Variants in EML6 observed in about 807,000 individuals in gnomAD.
EML6 encodes the protein EMAP like 6.
Under a neutral mutation model 240.1 loss-of-function variants are expected in EML6, and 154 were observed. The ratio of observed to expected loss-of-function variants is 0.64; its 90% confidence interval spans 0.56 to 0.73. The LOEUF is 0.73. EML6 is among the 30% of genes least tolerant of loss of function. EML6 has a pLI of 0.00. For missense variants in EML6, 2,964 were observed against 2,474.6 expected (o/e 1.20, Z -4.20); for synonymous variants, 1,148 against 899.0 (o/e 1.28, Z -4.95).
intron 17 of EML6, among the ~76,000 whole-genome samples, chr2:54,886,124 T>C (rs1672119707): frequency 6.6e-6 from 1 of 151,312 alleles, no homozygotes; most frequent in Non-Finnish European, 1.5e-5. Flanking sequence ...ATACTACACA[T>C]TGCACAAATG....
At chr2:54,765,780 A>T (rs1056958932) in intron 2 of EML6, among the ~76,000 whole-genome samples, 1 of 152,186 alleles carries the variant, frequency 6.6e-6, no homozygotes. Context: ...GGTACCATCT[A>T]TACCATTATA....
chr2:54,908,890 G>A (rs1290097270), intron 24 of EML6, among the ~76,000 whole-genome samples: 4 of 152,114 alleles, frequency 2.6e-5, no homozygotes, highest in African/African-American at 7.2e-5. Context: ...ACATGACCGC[G>A]GGGGCAGTTC....
chr2:54,786,479 C>A (rs573438168), intron 2 of EML6, among the ~76,000 whole-genome samples: 1 of 152,282 alleles, frequency 6.6e-6, no homozygotes, highest in African/African-American at 2.4e-5. Flanking sequence ...GTGGGGTCCC[C>A]TCCCCTGCTC....
intron 17 of EML6, among the ~76,000 whole-genome samples, chr2:54,887,024 C>T (rs1672184663): frequency 6.6e-6 from 1 of 152,148 alleles, no homozygotes; most frequent in African/African-American, 2.4e-5. Flanking sequence ...TTATTATTCC[C>T]ATTATCTGGC....
At chr2:54,726,111 C>G (rs1682896762) in intron 2 of EML6, among the ~76,000 whole-genome samples, 1 of 152,212 alleles carries the variant, frequency 6.6e-6, no homozygotes, top group Non-Finnish European at 1.5e-5. Flanking sequence ...AAGGTATGGG[C>G]CAGATGCTGT....
intron 7 of EML6, among the ~76,000 whole-genome samples, chr2:54,840,513 G>T (rs367616973): frequency 6.6e-6 from 1 of 152,098 alleles, no homozygotes; most frequent in African/African-American, 2.4e-5. Flanking sequence ...ATTACGGTAG[G>T]GGCCTATCTT....
chr2:54,935,030 A>G (rs577477633), intron 28 of EML6, among the ~76,000 whole-genome samples: 2 of 152,312 alleles, frequency 1.3e-5, no homozygotes, highest in Admixed American at 1.3e-4. Context: ...TTTTTAAAGT[A>G]TAGTTTATAT....
chr2:54,780,198 T>C (rs1398688860), intron 2 of EML6, among the ~76,000 whole-genome samples: 1 of 152,184 alleles, frequency 6.6e-6, no homozygotes, highest in African/African-American at 2.4e-5. Flanking sequence ...CACAATGAAA[T>C]GCCTTTTTAC....
At chr2:54,877,284 A>G (rs1443587101) in intron 16 of EML6, among the ~76,000 whole-genome samples, 3 of 152,148 alleles carry the variant, frequency 2.0e-5, no homozygotes, top group Non-Finnish European at 4.4e-5. Context: ...GCACCTGGCC[A>G]AAATCTTTAT....
intron 12 of EML6, among the ~76,000 whole-genome samples, chr2:54,862,991 T>G (rs561289368): frequency 1.3e-5 from 2 of 152,298 alleles, no homozygotes; most frequent in East Asian, 3.9e-4. Flanking sequence ...AGAATGGGGC[T>G]CAAGCAGTGG....
intron 28 of EML6, among the ~76,000 whole-genome samples, chr2:54,930,046 C>G (rs1317031927): frequency 1.3e-5 from 2 of 151,984 alleles, no homozygotes; most frequent in African/African-American, 4.8e-5. Flanking sequence ...CTTAAATAAT[C>G]CAATCTAAAA....
intron 2 of EML6, among the ~76,000 whole-genome samples, chr2:54,760,499 TG>T (rs940695528): frequency 6.6e-5 from 10 of 152,084 alleles, no homozygotes; most frequent in African/African-American, 2.4e-4. Context: ...TATCTAGAGG[TG>T]GACTTGGTTA....
At chr2:54,788,399 G>A (rs1159326757) in intron 2 of EML6, among the ~76,000 whole-genome samples, 1 of 152,192 alleles carries the variant, frequency 6.6e-6, no homozygotes, top group Non-Finnish European at 1.5e-5. Flanking sequence ...CTACAAGGGT[G>A]GCTGCCACTA....
intron 5 of EML6, among the ~76,000 whole-genome samples, chr2:54,823,849 A>AC (rs1558580294): frequency 1.1e-4 from 7 of 62,642 alleles, no homozygotes; most frequent in Admixed American, 3.9e-4. Flanking sequence ...TCATTCATTC[A>AC]TTCTCTCTCT....
intron 17 of EML6, among the ~76,000 whole-genome samples, chr2:54,889,609 G>C (rs1044099115): frequency 6.6e-6 from 1 of 151,592 alleles, no homozygotes; most frequent in Non-Finnish European, 1.5e-5. Context: ...ATATACAAAG[G>C]TTATTGATTT....
At chr2:54,886,917 G>C (rs956449725) in intron 17 of EML6, among the ~76,000 whole-genome samples, 1 of 152,192 alleles carries the variant, frequency 6.6e-6, no homozygotes, top group Non-Finnish European at 1.5e-5. Flanking sequence ...GTATACCAGA[G>C]AGTAGGGAGG....
chr2:54,802,988 A>G (rs1031606740), intron 2 of EML6, among the ~76,000 whole-genome samples: 21 of 152,116 alleles, frequency 1.4e-4, no homozygotes, highest in African/African-American at 5.1e-4. Flanking sequence ...AGTTCTGGGA[A>G]CTTGGGAGAC....
intron 24 of EML6, among the ~76,000 whole-genome samples, chr2:54,907,944 ATAAGATAGAT>A (rs1673426948): frequency 1.8e-4 from 3 of 16,694 alleles, no homozygotes; most frequent in African/African-American, 4.6e-4. Context: ...AGATAGATAG[ATAAGATAGAT>A]AGATAGATAG....
intron 26 of EML6, among the ~76,000 whole-genome samples, chr2:54,927,302 G>C (rs74889104): frequency 0.013 from 1,928 of 152,264 alleles, 43 homozygotes; most frequent in African/African-American, 0.042. Context: ...GAACCCTCCT[G>C]CACCTGTTTC....
Sources: allele counts gnomAD v4.1 joint callset (sites outside exome capture counted in the v4.1 genomes callset), GRCh38; gene constraint gnomAD v4.1.1; transcripts MANE v1.5; gene names NCBI Gene and HGNC (gene_info 2026-07-23, HGNC 2026-07-21).